GPR55: variants seen among roughly 807,000 people sequenced by gnomAD.
GPR55 encodes G protein-coupled receptor 55.
In GPR55, 6 loss-of-function variants were observed where a neutral mutation model predicts 7.9. The ratio of observed to expected loss-of-function variants is 0.76; its 90% CI spans 0.41 to 1.49. The LOEUF (loss-of-function observed/expected upper bound fraction) is 1.49. Ranked by LOEUF, GPR55 falls within the 40% of genes most tolerant of loss-of-function variation. The probability of loss-of-function intolerance (pLI) is 0.01; values close to 1 mark genes in which losing one functional copy is unlikely to be tolerated. For synonymous variants in GPR55, 183 were observed against 166.8 expected (o/e 1.10, Z -0.75); for missense variants, 376 against 406.0 (o/e 0.93, Z 0.63).
At chr2:230,918,915 T>C (rs1248166408) in intron 1 of GPR55, among the ~76,000 whole-genome samples, 1 of 152,126 alleles carries the variant, frequency 6.6e-6, no homozygotes, top group Non-Finnish European at 1.5e-5. Flanking sequence ...AATGGTAAAA[T>C]AGTAGGGACA....
intron 1 of GPR55, among the ~76,000 whole-genome samples, chr2:230,943,106 A>AAG (rs1213037596): frequency 7.0e-6 from 1 of 142,960 alleles, no homozygotes; most frequent in Non-Finnish European, 1.6e-5. Context: ...AGAGGAGAGA[A>AAG]AGAGAGAGAG....
intron 1 of GPR55, among the ~76,000 whole-genome samples, chr2:230,921,654 G>A (rs745309320): frequency 6.6e-6 from 1 of 152,228 alleles, no homozygotes; most frequent in Non-Finnish European, 1.5e-5. Context: ...AGGAAAGTGG[G>A]AATTCCTAAG....
At position 230,954,235 on chromosome 2, in the gene GPR55, CT is replaced by C. The variant is rs1312806855; in HGVS notation, c.-135+6539del. ...GCACCTGGTCTCCTTGCCCCTTCCC[CT>C]GACACAGTGTAGATGGCACTGCCAA... On this transcript the variant is annotated intron_variant, in intron 1 of 1. Transcript: ENST00000392039. 2.0e-5 allele frequency among the ~76,000 whole-genome samples: 3 copies of C among 152,386 alleles called. No homozygotes were observed. The East Asian group carries it at 5.8e-4, about 29-fold the overall frequency.
intron 1 of GPR55, among the ~76,000 whole-genome samples, chr2:230,943,130 C>T (rs149586351): frequency 8.4e-4 from 125 of 148,156 alleles, no homozygotes; most frequent in African/African-American, 3.1e-3. Flanking sequence ...AGAGAGAGAG[C>T]GCTCTCTGTA....
intron 1 of GPR55, among the ~76,000 whole-genome samples, chr2:230,913,426 A>C (rs1690638513): frequency 6.6e-6 from 1 of 152,272 alleles, no homozygotes; most frequent in South Asian, 2.1e-4. Context: ...TCATATATAT[A>C]TCATCCATTG....
At chr2:230,925,603 G>A (rs762750037), upstream of GPR55, among the ~76,000 whole-genome samples, 8 of 152,220 alleles carry the variant, frequency 5.3e-5, no homozygotes, top group Admixed American at 1.3e-4. Flanking sequence ...CCACACAGGG[G>A]CAGCCATTCT....
chr2:230,933,246 G>A (rs1000310941), intron 1 of GPR55, among the ~76,000 whole-genome samples: 8 of 91,694 alleles, frequency 8.7e-5, no homozygotes, highest in African/African-American at 3.0e-4. Flanking sequence ...CTCTTCCTGT[G>A]CTCTTGACTT....
rs769632131 is a variant in GPR55 at position 230,910,552 on chromosome 2, C to A, written c.411G>T (p.Lys137Asn). ...AGATGGTGCAGCAGATCCCAAAGAT[C>A]TTCCTGGGGGACCGGAGGTGGCTCA... ...LLVSHLRSPR[K>N]IFGICCTIWV... The change falls in exon 2 of 2, where the codon AAG becomes AAT. Residue 137 changes from lysine to asparagine, a missense_variant. By Grantham distance (94) the Lys-to-Asn change is moderately conservative. Coordinates refer to ENST00000650999, the MANE Select transcript of GPR55 (RefSeq NM_005683.4). This position sits in a 1 kb window ranked among gnomAD's most constrained non-coding sequence, Gnocchi z 5.4. 5 of 1,614,016 alleles carry A rather than the reference C, an allele frequency of 3.1e-6. No individual in the cohort carries two copies. Among genetic ancestry groups the A allele is most frequent in the Middle Eastern group, 1.6e-4 (1 of 6,062 alleles).
At chr2:230,927,360 A>T (rs1462684921), upstream of GPR55, among the ~76,000 whole-genome samples, 1 of 152,132 alleles carries the variant, frequency 6.6e-6, no homozygotes, top group East Asian at 1.9e-4. Flanking sequence ...TCCCTTGCCA[A>T]GATACGTCTC....
upstream of GPR55, among the ~76,000 whole-genome samples, chr2:230,927,260 G>A (rs971158889): frequency 2.0e-5 from 3 of 152,090 alleles, no homozygotes; most frequent in Non-Finnish European, 2.9e-5. Context: ...GAGACCACAC[G>A]AGCTGCTCTG....
At chr2:230,912,288 C>T (rs1183647299) in intron 1 of GPR55, among the ~76,000 whole-genome samples, 1 of 152,214 alleles carries the variant, frequency 6.6e-6, no homozygotes, top group East Asian at 1.9e-4. Context: ...ACCCACCTTC[C>T]TGTGCCTCTC....
upstream of GPR55, among the ~76,000 whole-genome samples, chr2:230,929,081 T>C (rs935110881): frequency 1.3e-5 from 2 of 152,172 alleles, no homozygotes; most frequent in African/African-American, 4.8e-5. Flanking sequence ...CTCGGACTCC[T>C]GGACTCAAGC....
At chr2:230,950,982 C>T (rs935081483) in intron 1 of GPR55, among the ~76,000 whole-genome samples, 1 of 152,152 alleles carries the variant, frequency 6.6e-6, no homozygotes, top group African/African-American at 2.4e-5. Context: ...AGCTCCATGC[C>T]CCTTCCCCTA....
chr2:230,937,245 A>T (rs921453279), intron 1 of GPR55, among the ~76,000 whole-genome samples: 2 of 151,356 alleles, frequency 1.3e-5, no homozygotes, highest in African/African-American at 4.9e-5. Flanking sequence ...TCTCTACAAA[A>T]TTTTTTTTAA....
At chr2:230,937,233 C>G (rs1039963906) in intron 1 of GPR55, among the ~76,000 whole-genome samples, 3 of 151,680 alleles carry the variant, frequency 2.0e-5, no homozygotes, top group Non-Finnish European at 4.4e-5. Flanking sequence ...AGTAAGACCC[C>G]GTCTCTACAA....
chr2:230,911,494 G>A (rs1179398359), intron 1 of GPR55, among the ~76,000 whole-genome samples: 1 of 152,168 alleles, frequency 6.6e-6, no homozygotes, highest in African/African-American at 2.4e-5. Context: ...CTGCAACCAG[G>A]GATGATTGAC....
At chr2:230,913,222 A>G (rs1301784877) in intron 1 of GPR55, among the ~76,000 whole-genome samples, 3 of 152,110 alleles carry the variant, frequency 2.0e-5, no homozygotes, top group East Asian at 3.8e-4. Flanking sequence ...AAGCATTCCT[A>G]TGACTTATTT....
At chr2:230,949,963 AG>A (rs1283379103) in intron 1 of GPR55, among the ~76,000 whole-genome samples, 66 of 151,520 alleles carry the variant, frequency 4.4e-4, no homozygotes, top group Non-Finnish European at 3.7e-4. Context: ...CCTCCCAAAT[AG>A]CTGGGATTAC....
At chr2:230,913,180 G>T (rs1266821800) in intron 1 of GPR55, among the ~76,000 whole-genome samples, 1 of 152,128 alleles carries the variant, frequency 6.6e-6, no homozygotes, top group South Asian at 2.1e-4. Context: ...TAGGTTTCCA[G>T]TATTTTACCA....
Sources: allele counts gnomAD v4.1 joint callset (sites outside exome capture counted in the v4.1 genomes callset), GRCh38; gene constraint gnomAD v4.1.1; non-coding constraint Gnocchi (gnomAD v3.1); transcripts MANE v1.5; gene names NCBI Gene and HGNC (gene_info 2026-07-23, HGNC 2026-07-21).